FER: variants seen among roughly 807,000 people sequenced by gnomAD.
FER encodes FER tyrosine kinase, also known as tyrosine-protein kinase Fer.
A neutral mutation model predicts 111.0 loss-of-function variants in FER; 63 were observed. The observed-to-expected ratio is 0.57, with a 90% CI of 0.46 to 0.70. The LOEUF is 0.70. Among genes scored for constraint, FER ranks in the 30% least tolerant of loss-of-function variants. The probability of loss-of-function intolerance (pLI) is 0.00; values close to 1 mark genes in which losing one functional copy is unlikely to be tolerated. For synonymous variants in FER, 327 were observed against 313.9 expected, an observed-to-expected ratio of 1.04 and a Z score of -0.44; for missense variants, 914 against 954.0, an observed-to-expected ratio of 0.96 and a Z score of 0.55.
At chr5:108,879,699 A>ATATATATATATATATATAT (rs1165401708) in intron 8 of FER, among the ~76,000 whole-genome samples, 969 of 92,818 alleles carry the variant, frequency 0.01, 12 homozygotes, top group Non-Finnish European at 0.013. Flanking sequence ...AGATTAAAAA[A>ATATATATATATATATATAT]AAATATATAT....
At chr5:108,836,118 G>A (rs1760632665) in intron 5 of FER, among the ~76,000 whole-genome samples, 1 of 151,980 alleles carries the variant, frequency 6.6e-6, no homozygotes, top group African/African-American at 2.4e-5. Flanking sequence ...GAGTGCTTAA[G>A]TAAGAAAAAT....
At chr5:109,144,624 T>C (rs1753879625) in intron 17 of FER, among the ~76,000 whole-genome samples, 2 of 152,064 alleles carry the variant, frequency 1.3e-5, no homozygotes, top group African/African-American at 4.8e-5. Context: ...TTTGGTTTGG[T>C]TTGATTTTCC....
At chr5:109,180,021 A>G (rs895114776) in intron 17 of FER, among the ~76,000 whole-genome samples, 1 of 152,220 alleles carries the variant, frequency 6.6e-6, no homozygotes, top group Non-Finnish European at 1.5e-5. Context: ...CACTGGAGGC[A>G]AAGCGGAACA....
At chr5:108,796,484 A>T (rs571695061) in intron 2 of FER, among the ~76,000 whole-genome samples, 17 of 152,294 alleles carry the variant, frequency 1.1e-4, no homozygotes, top group Admixed American at 9.2e-4. Context: ...GTAGGCTCCA[A>T]GTGGGTCCAG....
chr5:109,018,781 A>G (rs1003526371), intron 13 of FER, among the ~76,000 whole-genome samples: 13 of 151,706 alleles, frequency 8.6e-5, no homozygotes, highest in Non-Finnish European at 1.5e-4. Flanking sequence ...CAAAATATGA[A>G]CCTTTAGAAG....
At chr5:108,928,154 G>A (rs1472202266) in intron 10 of FER, among the ~76,000 whole-genome samples, 6 of 152,180 alleles carry the variant, frequency 3.9e-5, no homozygotes, top group African/African-American at 1.4e-4. Context: ...TTTAGAAGGT[G>A]CTTGCTCCCA....
At chr5:108,822,303 T>C (rs1758932981) in intron 3 of FER, among the ~76,000 whole-genome samples, 1 of 152,236 alleles carries the variant, frequency 6.6e-6, no homozygotes, top group Non-Finnish European at 1.5e-5. Flanking sequence ...TTGCCTATTA[T>C]GAATAATGCC....
intron 18 of FER, among the ~76,000 whole-genome samples, chr5:109,182,923 C>T (rs1582430447): frequency 6.6e-6 from 1 of 152,084 alleles, no homozygotes; most frequent in Admixed American, 6.5e-5. Flanking sequence ...CTCACTGCAA[C>T]CTCAACCTCC....
intron 8 of FER, among the ~76,000 whole-genome samples, chr5:108,882,532 A>T (rs1435791718): frequency 2.0e-5 from 3 of 151,406 alleles, no homozygotes; most frequent in African/African-American, 7.3e-5. Context: ...TTTTCATATT[A>T]GTTTGTCTTT....
intron 9 of FER, among the ~76,000 whole-genome samples, chr5:108,883,951 C>G (rs1445647728): frequency 1.2e-4 from 18 of 151,998 alleles, no homozygotes; most frequent in Admixed American, 1.1e-3. Flanking sequence ...AAAAATCACT[C>G]AGTGATTAGC....
chr5:108,929,873 C>G (rs891253444), intron 10 of FER, among the ~76,000 whole-genome samples: 1 of 152,132 alleles, frequency 6.6e-6, no homozygotes, highest in Non-Finnish European at 1.5e-5. Flanking sequence ...ACATTTTGAA[C>G]TGTTTGAAAA....
rs898820320 is a variant in FER, at chr5:109,010,480, T to C, written c.1657-26942T>C. Among the ~76,000 whole-genome samples the C allele has an allele frequency of 2.6e-5, 4 of 152,142 alleles. No homozygotes were observed. In the East Asian group the frequency reaches 7.7e-4, roughly 29 times the overall value. ...CCTTTTTTATCCTTCTTTAAATGTT[T>C]TGTGTTCCTGTTCTCTTACCAGTTT... On this transcript the variant is annotated intron_variant, in intron 13 of 19. Transcript: ENST00000281092.
rs115564962 is a variant in FER, at chr5:109,158,973, T to G, written c.2049-21774T>G. On this transcript the variant is annotated intron_variant, in intron 17 of 19. Transcript: ENST00000281092. Reference sequence around the variant, plus strand: ...TTTAAATTCAGTCATTAAAAAGAATTTTATGGGATTATTATGAAAAGATAT... The same window carrying G: ...TTTAAATTCAGTCATTAAAAAGAATGTTATGGGATTATTATGAAAAGATAT... Among the ~76,000 whole-genome samples the G allele has an allele frequency of 7.5e-3, 1,148 of 152,222 alleles. 15 individuals carry two copies. Among genetic ancestry groups the G allele is most frequent in the African/African-American group, 0.026 (1,084 of 41,550 alleles).
intron 5 of FER, among the ~76,000 whole-genome samples, chr5:108,862,589 C>G (rs1280107832): frequency 6.6e-6 from 1 of 151,930 alleles, no homozygotes. Context: ...ATATGGAATT[C>G]AGTGAATTGA....
chr5:108,796,427 T>C (rs1360320060), intron 2 of FER, among the ~76,000 whole-genome samples: 1 of 152,218 alleles, frequency 6.6e-6, no homozygotes, highest in Non-Finnish European at 1.5e-5. Flanking sequence ...CAGCATGTGG[T>C]GAAGCCAGCG....
At position 108,864,705 on chromosome 5, in the gene FER, C is replaced by T. The variant is rs139512980; in HGVS notation, c.482-3062C>T. 4.1e-3 allele frequency among the ~76,000 whole-genome samples: 622 copies of T among 152,218 alleles called. 4 individuals carry two copies. The highest frequency in any genetic ancestry group is 0.014 in the African/African-American group (602 of 41,530). On this transcript the variant is annotated intron_variant, in intron 5 of 19. Transcript: ENST00000281092. ...TTATTTCTAAGGGCTCTGTTCTGTT[C>T]CATTGGTCTATATCTCTGTTTTGGT...
rs748230672 is a variant in FER, at chr5:108,871,508, A to G, written c.803+6A>G. ...AATTTCATAGATGTTCACAGGTATG[A>G]CATGTTTATTCCTCTTTAAGGATTT... is the stretch of plus-strand genomic sequence containing the variant. On this transcript the variant is annotated splice_donor_region_variant and intron_variant, in intron 7 of 19. Transcript: ENST00000281092. 1 of 1,592,044 alleles carries G rather than the reference A, an allele frequency of 6.3e-7. No individual in the cohort carries two copies. Among genetic ancestry groups the G allele is most frequent in the South Asian group, 1.1e-5 (1 of 87,082 alleles).
intron 16 of FER, 113 bp from the exon 17 acceptor site, chr5:109,100,283 G>C: frequency 7.7e-7 from 1 of 1,301,368 alleles, no homozygotes; most frequent in Non-Finnish European, 1.1e-6. Flanking sequence ...AAAAAGCATG[G>C]CCAAATGTGT....
chr5:109,018,484 A>G (rs186099384), intron 13 of FER, among the ~76,000 whole-genome samples: 33 of 151,790 alleles, frequency 2.2e-4, no homozygotes, highest in Admixed American at 1.6e-3. Flanking sequence ...CCTTTTCACA[A>G]TTTTCTGTGT....
Sources: gnomAD v4.1 joint callset for allele counts (sites outside exome capture counted in the v4.1 genomes callset) on GRCh38, gnomAD v4.1.1 for gene constraint, MANE v1.5 for transcripts, NCBI Gene and HGNC (gene_info 2026-07-23, HGNC 2026-07-21) for gene names.